Variants in EIF3H observed in about 807,000 individuals in gnomAD.
EIF3H encodes the protein eukaryotic translation initiation factor 3 subunit H, also known as eIF-3-gamma.
EIF3H carries 26 observed loss-of-function variants against 44.2 expected under a neutral mutation model. That is an observed-to-expected ratio of 0.59 (90% CI 0.43 to 0.82). The LOEUF is 0.82. Ranked by LOEUF, EIF3H falls within the 40% of genes least tolerant of loss-of-function variation. EIF3H has a pLI of 0.00. For synonymous variants in EIF3H, 166 were observed against 151.9 expected (o/e 1.09, Z -0.68); for missense variants, 359 against 432.8 (o/e 0.83, Z 1.51).
intron 2 of EIF3H, among the ~76,000 whole-genome samples, chr8:116,680,983 AAAG>A (rs1048511160): frequency 2.4e-4 from 37 of 152,126 alleles, no homozygotes; most frequent in African/African-American, 7.0e-4. Context: ...TAAAAAAAAA[AAAG>A]AGTTTACAGT....
intron 2 of EIF3H, among the ~76,000 whole-genome samples, chr8:116,721,304 G>A (rs1290920360): frequency 6.6e-6 from 1 of 151,906 alleles, no homozygotes; most frequent in Admixed American, 6.5e-5. Flanking sequence ...GTGCCCAGAA[G>A]TCAAGAATTG....
intron 1 of EIF3H, among the ~76,000 whole-genome samples, chr8:116,752,795 G>GGGAAGGAA (rs1302875837): frequency 4.2e-4 from 34 of 80,392 alleles, no homozygotes; most frequent in African/African-American, 1.5e-3. Context: ...GAGGGAGGGA[G>GGGAAGGAA]GGAAGGAAGG....
intron 1 of EIF3H, among the ~76,000 whole-genome samples, chr8:116,728,804 T>C (rs997074997): frequency 2.0e-5 from 3 of 152,188 alleles, no homozygotes; most frequent in Admixed American, 2.0e-4. Flanking sequence ...AGAAAGCTAT[T>C]TAATCTTCTC....
chr8:116,662,926 G>T (rs1163949796), intron 2 of EIF3H, among the ~76,000 whole-genome samples: 2 of 152,150 alleles, frequency 1.3e-5, no homozygotes, highest in African/African-American at 4.8e-5. Flanking sequence ...TTGCTTTTGT[G>T]GCTATGCTAG....
rs1007063499 is a variant in EIF3H at position 116,753,526 on chromosome 8, T to C, written c.132+2140A>G. 4.6e-5 allele frequency among the ~76,000 whole-genome samples: 7 copies of C among 152,232 alleles called. 1 individual carries two copies. Among genetic ancestry groups the C allele is most frequent in the Admixed American group, 6.5e-5 (1 of 15,280 alleles). ...AAATGAGTAAATCAACATTTACATG[T>C]ATATAAACCAATCTCCTGTGAGAAG... On this transcript the variant is annotated intron_variant, in intron 1 of 7. Transcript: ENST00000521861.
chr8:116,677,857 G>GA (rs1299936038), intron 2 of EIF3H, among the ~76,000 whole-genome samples: 1 of 152,012 alleles, frequency 6.6e-6, no homozygotes, highest in African/African-American at 2.4e-5. Context: ...TAATTTGAAA[G>GA]AAAAAATATT....
intron 2 of EIF3H, among the ~76,000 whole-genome samples, chr8:116,666,538 C>A (rs1050902901): frequency 6.6e-6 from 1 of 151,836 alleles, no homozygotes; most frequent in African/African-American, 2.4e-5. Flanking sequence ...TGGCGTTGGT[C>A]ATGAAAACAC....
In EIF3H at chr8:116,653,065, A is replaced by G. The variant is rs568971539; in HGVS notation, c.707+2791T>C. 3.9e-5 allele frequency among the ~76,000 whole-genome samples: 6 copies of G among 152,324 alleles called. No homozygotes were observed. In the South Asian group the frequency reaches 1.2e-3, roughly 32 times the overall value. ...CTGGGAGGTTAAGGGGAAAGCAGTG[A>G]CAGTAGGGAAAAAATAACAGCACAG... On this transcript the variant is annotated intron_variant, in intron 5 of 7. Transcript: ENST00000521861.
At position 116,644,862 on chromosome 8, in the gene EIF3H, GA is replaced by G. The variant is rs1356118738; in HGVS notation, c.*143del. The G allele has an allele frequency of 5.1e-6, 3 of 589,104 alleles. No individual in the cohort carries two copies. Among genetic ancestry groups the G allele is most frequent in the Non-Finnish European group, 9.0e-6 (3 of 333,706 alleles). The allele number at this position is 589,104 out of a possible 1,614,324, so 36.5% of individuals were successfully genotyped here. A position where few individuals can be genotyped will look rare whatever the true frequency, so the allele number is the denominator to read the frequency against. The stretch of plus-strand genomic sequence containing the variant: ...ATTTTGTTTTATTTTATTATGGCTA[GA>G]AAGACACTGTTATAGCCAAAATCGG... On this transcript the variant is annotated 3_prime_UTR_variant, in exon 8 of 8. Transcript: ENST00000521861.
At chr8:116,722,421 A>G (rs1814765772) in intron 2 of EIF3H, among the ~76,000 whole-genome samples, 1 of 152,174 alleles carries the variant, frequency 6.6e-6, no homozygotes, top group Admixed American at 6.5e-5. Flanking sequence ...AATAACATAC[A>G]CTTGTGTCCT....
At chr8:116,713,019 T>C (rs1814599867) in intron 2 of EIF3H, among the ~76,000 whole-genome samples, 1 of 152,166 alleles carries the variant, frequency 6.6e-6, no homozygotes, top group Admixed American at 6.5e-5. Context: ...TTTGACATTT[T>C]AATTAGTACT....
At chr8:116,740,298 G>A (rs564755272) in intron 1 of EIF3H, among the ~76,000 whole-genome samples, 1 of 152,290 alleles carries the variant, frequency 6.6e-6, no homozygotes, top group South Asian at 2.1e-4. Flanking sequence ...AAACTGTGTA[G>A]CTACCAAGCA....
At chr8:116,670,562 CT>C (rs1189966493) in intron 2 of EIF3H, among the ~76,000 whole-genome samples, 1 of 152,218 alleles carries the variant, frequency 6.6e-6, no homozygotes, top group Non-Finnish European at 1.5e-5. Flanking sequence ...CAGACTATTA[CT>C]TTCCAGGGTG....
chr8:116,678,299 A>G (rs1813887474), intron 2 of EIF3H, among the ~76,000 whole-genome samples: 1 of 151,794 alleles, frequency 6.6e-6, no homozygotes, highest in South Asian at 2.1e-4. Context: ...TCAGTGCTCA[A>G]TGGTGCCCAG....
chr8:116,670,982 C>T (rs369333169), intron 2 of EIF3H, among the ~76,000 whole-genome samples: 13 of 152,250 alleles, frequency 8.5e-5, no homozygotes, highest in East Asian at 5.8e-4. Context: ...AAATATTGGA[C>T]GGCAAAAACA....
intron 1 of EIF3H, among the ~76,000 whole-genome samples, chr8:116,744,083 T>C (rs1270910134): frequency 1.3e-5 from 2 of 151,904 alleles, no homozygotes; most frequent in Non-Finnish European, 2.9e-5. Context: ...TAAGTGATCT[T>C]AGGAAAAACC....
chr8:116,743,545 A>C (rs978077058), intron 1 of EIF3H, among the ~76,000 whole-genome samples: 2 of 151,946 alleles, frequency 1.3e-5, no homozygotes, highest in Non-Finnish European at 2.9e-5. Flanking sequence ...GGAGTTCAAG[A>C]CTAGCCTGGT....
chr8:116,661,772 C>T (rs929421857), intron 2 of EIF3H, among the ~76,000 whole-genome samples: 5 of 152,192 alleles, frequency 3.3e-5, no homozygotes, highest in African/African-American at 1.2e-4. Context: ...ACTCCAAGAT[C>T]CATAGCAAAC....
intron 1 of EIF3H, among the ~76,000 whole-genome samples, chr8:116,748,202 G>C (rs1447078749): frequency 6.6e-6 from 1 of 150,954 alleles, no homozygotes; most frequent in Non-Finnish European, 1.5e-5. Context: ...AAAAAACAAA[G>C]TACTTCCACC....
Sources: gnomAD v4.1 joint callset for allele counts (sites outside exome capture counted in the v4.1 genomes callset) on GRCh38, gnomAD v4.1.1 for gene constraint, MANE v1.5 for transcripts, NCBI Gene and HGNC (gene_info 2026-07-23, HGNC 2026-07-21) for gene names.